Variants in COLEC12 observed in about 807,000 individuals in gnomAD.
COLEC12 encodes the protein collectin-12.
A neutral mutation model predicts 71.1 loss-of-function variants in COLEC12; 33 were observed. The observed-to-expected ratio is 0.46, with a 90% CI of 0.35 to 0.62. The LOEUF (loss-of-function observed/expected upper bound fraction) is 0.62, where lower values mean the gene tolerates loss of function less well. Among genes scored for constraint, COLEC12 ranks in the 20% least tolerant of loss-of-function variants. COLEC12 has a pLI of 0.00. For missense variants in COLEC12, 765 were observed against 916.1 expected (o/e 0.84, Z 2.13); for synonymous variants, 350 against 353.0 (o/e 0.99, Z 0.10).
intron 2 of COLEC12, among the ~76,000 whole-genome samples, chr18:440,195 G>T (rs182377416): frequency 9.9e-5 from 15 of 152,162 alleles, no homozygotes; most frequent in Middle Eastern, 3.4e-3. Flanking sequence ...CAGTAGTTGC[G>T]ACATGGGATG....
intron 2 of COLEC12, among the ~76,000 whole-genome samples, chr18:383,707 G>A (rs1342350210): frequency 6.6e-6 from 1 of 152,034 alleles, no homozygotes; most frequent in Non-Finnish European, 1.5e-5. Context: ...ATCCATCAAC[G>A]CCTCTGATTA....
intron 2 of COLEC12, among the ~76,000 whole-genome samples, chr18:398,649 AT>A (rs1334368427): frequency 6.6e-6 from 1 of 152,240 alleles, no homozygotes; most frequent in Non-Finnish European, 1.5e-5. Flanking sequence ...GGAAAAGCAA[AT>A]TCACACTGCA....
chr18:413,541 G>A (rs1294005334), intron 2 of COLEC12, among the ~76,000 whole-genome samples: 1 of 152,174 alleles, frequency 6.6e-6, no homozygotes, highest in Non-Finnish European at 1.5e-5. Flanking sequence ...ACAAAAATAT[G>A]TACATACTGG....
rs542417483 is a variant in COLEC12, at chr18:353,131, C to T, written c.181+4269G>A. Among the ~76,000 whole-genome samples the T allele has an allele frequency of 5.9e-5, 9 of 152,306 alleles. No homozygotes were observed. The South Asian group carries it at 1.9e-3, about 32-fold the overall frequency. On this transcript the variant is annotated intron_variant, in intron 3 of 9. Transcript: ENST00000400256. Reference sequence around the variant, plus strand: ...GCCTGGGCCACTAACTTCTTCTTCCCTCGTCTTGACTCCACTTCTCCTTGA... The same window carrying T: ...GCCTGGGCCACTAACTTCTTCTTCCTTCGTCTTGACTCCACTTCTCCTTGA...
intron 8 of COLEC12, among the ~76,000 whole-genome samples, chr18:322,910 T>C (rs1474809053): frequency 6.6e-6 from 1 of 152,014 alleles, no homozygotes; most frequent in African/African-American, 2.4e-5. Context: ...ACACCAAATG[T>C]GTATTTTGGG....
chr18:428,710 CTATAATA>C (rs1398800771), intron 2 of COLEC12, among the ~76,000 whole-genome samples: 1 of 152,040 alleles, frequency 6.6e-6, no homozygotes, highest in Non-Finnish European at 1.5e-5. Flanking sequence ...AAGTTTAAAA[CTATAATA>C]TAACTTGGGA....
At chr18:428,214 G>A in intron 2 of COLEC12, among the ~76,000 whole-genome samples, 1 of 151,094 alleles carries the variant, frequency 6.6e-6, no homozygotes, top group East Asian at 1.9e-4. Flanking sequence ...CGTGAGCTGA[G>A]ATCCTGTCAC....
In COLEC12 at chr18:369,943, A is replaced by T. The variant is rs187528497; in HGVS notation, c.59-12421T>A. On this transcript the variant is annotated intron_variant, in intron 2 of 9. Coordinates refer to ENST00000400256, the MANE Select transcript of COLEC12 (RefSeq NM_130386.3). ...AATCACCACCGAGGAAAGGATTATG[A>T]AGAGCAACCCCGATCTGGAAGATAT... 1.7e-3 allele frequency among the ~76,000 whole-genome samples: 257 copies of T among 152,290 alleles called. 1 individual carries two copies. Among genetic ancestry groups the T allele is most frequent in the African/African-American group, 5.8e-3 (243 of 41,580 alleles).
At chr18:376,484 C>T (rs775987598) in intron 2 of COLEC12, among the ~76,000 whole-genome samples, 25 of 152,222 alleles carry the variant, frequency 1.6e-4, no homozygotes, top group African/African-American at 5.1e-4. Flanking sequence ...GTTTTTGGCA[C>T]GTTGCACTGT....
chr18:388,375 C>T (rs932995682), intron 2 of COLEC12, among the ~76,000 whole-genome samples: 8 of 152,114 alleles, frequency 5.3e-5, no homozygotes, highest in African/African-American at 1.7e-4. Context: ...TAACTAAATC[C>T]GCCTAATTGG....
intron 8 of COLEC12, among the ~76,000 whole-genome samples, chr18:329,359 G>A (rs1485596282): frequency 6.6e-6 from 1 of 152,108 alleles, no homozygotes; most frequent in Non-Finnish European, 1.5e-5. Flanking sequence ...TGGAGAAGAT[G>A]ATTTTTTGTT....
chr18:419,385 T>C (rs1422614898), intron 2 of COLEC12, among the ~76,000 whole-genome samples: 1 of 152,136 alleles, frequency 6.6e-6, no homozygotes, highest in Admixed American at 6.5e-5. Flanking sequence ...TTTGTAATTG[T>C]AGTAGAGAGG....
In COLEC12 at chr18:321,669, CCTGT is replaced by C. The variant is rs1339195396; in HGVS notation, c.2198_2201del (p.Asp733GlyfsTer13). 3 of 1,614,168 alleles carry C rather than the reference CCTGT, an allele frequency of 1.9e-6. No individual in the cohort carries two copies. On this transcript the variant is annotated frameshift_variant, in exon 9 of 10. Coordinates refer to ENST00000400256, the MANE Select transcript of COLEC12 (RefSeq NM_130386.3). LOFTEE classifies it high-confidence loss of function. ...ATCCCATCTACTGCTCACCTGTCTC[CCTGT>C]CTTTTTCGCAAATGAAGTTATTGAC...
chr18:378,878 T>C (rs1915170690), intron 2 of COLEC12, among the ~76,000 whole-genome samples: 1 of 152,174 alleles, frequency 6.6e-6, no homozygotes, highest in Admixed American at 6.5e-5. Context: ...ATCCCCCTCA[T>C]TCTCAGCAGT....
At chr18:465,167 A>C (rs1324902881) in intron 2 of COLEC12, among the ~76,000 whole-genome samples, 1 of 152,146 alleles carries the variant, frequency 6.6e-6, no homozygotes, top group Non-Finnish European at 1.5e-5. Context: ...GCAGTGGTGG[A>C]TCTCAGCTCA....
chr18:466,930 T>C (rs115115042), intron 2 of COLEC12, among the ~76,000 whole-genome samples: 2,092 of 152,126 alleles, frequency 0.014, 44 homozygotes, highest in African/African-American at 0.048. Flanking sequence ...ATCTCTTCTC[T>C]CCTTTAGTAC....
Position 334,745 on chromosome 18 carries a change from T to C in COLEC12, c.1813A>G (p.Asn605Asp). The change falls in exon 6 of 10, where the codon AAT (asparagine) becomes GAT (aspartate). Residue 605 changes from asparagine to aspartate, a missense_variant. Asn to Asp is a conservative substitution (Grantham distance 23, BLOSUM62 1). Transcript: ENST00000400256. Reference sequence around the variant, plus strand: ...TGGAGGGAGGGCTTGGACTTACCATTGTCCTCCGGTGCTGGGGTTGGCTCA... The same window carrying C: ...TGGAGGGAGGGCTTGGACTTACCATCGTCCTCCGGTGCTGGGGTTGGCTCA... ...QNEPTPAPEDNGCPPHWKNFT... is the reference protein window; with the variant it reads ...QNEPTPAPEDDGCPPHWKNFT... 1 of 1,467,344 alleles carries C rather than the reference T, an allele frequency of 6.8e-7. No individual in the cohort carries two copies. The highest frequency in any genetic ancestry group is 9.0e-7 in the Non-Finnish European group (1 of 1,114,188). The allele number at this position is 1,467,344 out of a possible 1,614,324, so 90.9% of individuals were successfully genotyped here.
At chr18:383,057 C>T (rs770244486) in intron 2 of COLEC12, among the ~76,000 whole-genome samples, 4 of 152,080 alleles carry the variant, frequency 2.6e-5, no homozygotes, top group Admixed American at 2.6e-4. Context: ...CGCAATTCCC[C>T]CAACGGGACT....
intron 5 of COLEC12, among the ~76,000 whole-genome samples, chr18:336,712 C>G (rs993482556): frequency 8.6e-5 from 13 of 150,952 alleles, no homozygotes; most frequent in African/African-American, 2.2e-4. Context: ...CATGGTCAGT[C>G]ACAATCTAGT....
Sources: gnomAD v4.1 joint callset for allele counts (sites outside exome capture counted in the v4.1 genomes callset) on GRCh38, gnomAD v4.1.1 for gene constraint, MANE v1.5 for transcripts, NCBI Gene and HGNC (gene_info 2026-07-23, HGNC 2026-07-21) for gene names.